ADK: variants seen among roughly 807,000 people sequenced by gnomAD.
ADK encodes N6,N6-dimethyladenosine kinase.
Under a neutral mutation model 44.7 loss-of-function variants are expected in ADK, and 24 were observed. The observed-to-expected ratio is 0.54, with a 90% CI of 0.39 to 0.76. ADK has a LOEUF of 0.76. Among genes scored for constraint, ADK ranks in the 30% least tolerant of loss-of-function variants. The pLI is 0.00. For synonymous variants in ADK, 128 were observed against 142.6 expected, an observed-to-expected ratio of 0.90 and a Z score of 0.73; for missense variants, 321 against 425.1, an observed-to-expected ratio of 0.76 and a Z score of 2.15.
intron 9 of ADK, among the ~76,000 whole-genome samples, chr10:74,625,167 T>G (rs1853142425): frequency 1.3e-5 from 2 of 152,160 alleles, no homozygotes; most frequent in Admixed American, 1.3e-4. Flanking sequence ...AATGATATTA[T>G]TTTCATGAAC....
chr10:74,383,699 G>C (rs1052851303), intron 4 of ADK, among the ~76,000 whole-genome samples: 1 of 152,106 alleles, frequency 6.6e-6, no homozygotes, highest in Non-Finnish European at 1.5e-5. Flanking sequence ...AGAGTGGAAG[G>C]GAAAGGCAAT....
intron 6 of ADK, among the ~76,000 whole-genome samples, chr10:74,427,161 G>C (rs1212543937): frequency 6.6e-6 from 1 of 152,078 alleles, no homozygotes; most frequent in African/African-American, 2.4e-5. Flanking sequence ...ATGAAGAATT[G>C]CAAACAAATC....
chr10:74,547,371 T>C (rs1849858393), intron 7 of ADK, among the ~76,000 whole-genome samples: 1 of 151,102 alleles, frequency 6.6e-6, no homozygotes, highest in Admixed American at 6.6e-5. Flanking sequence ...TGTTGTCAAC[T>C]GTTCTGTGTA....
At chr10:74,157,353 C>A (rs1449759879) in intron 1 of ADK, among the ~76,000 whole-genome samples, 4 of 151,018 alleles carry the variant, frequency 2.6e-5, no homozygotes, top group African/African-American at 9.8e-5. Flanking sequence ...AATTTCAAAA[C>A]AATTGTAAGT....
At chr10:74,353,521 C>G (rs2131913246) in intron 4 of ADK, among the ~76,000 whole-genome samples, 1 of 148,632 alleles carries the variant, frequency 6.7e-6, no homozygotes, top group African/African-American at 2.5e-5. Context: ...ACATGTATAC[C>G]AACGTAACAA....
At chr10:74,695,641 T>G (rs988938096) in intron 10 of ADK, among the ~76,000 whole-genome samples, 11 of 151,788 alleles carry the variant, frequency 7.2e-5, no homozygotes, top group Admixed American at 5.3e-4. Context: ...TGTGTGTGTG[T>G]GTGTGTGTGT....
chr10:74,495,401 A>C (rs576500142), intron 6 of ADK, among the ~76,000 whole-genome samples: 1 of 152,078 alleles, frequency 6.6e-6, no homozygotes, highest in South Asian at 2.1e-4. Flanking sequence ...GCACTAGACA[A>C]TGTACAAAAT....
chr10:74,398,657 A>AATAAAAG, intron 6 of ADK, 78 bp downstream of exon 6: 2 of 761,618 alleles, frequency 2.6e-6, no homozygotes, highest in African/African-American at 1.8e-5. Context: ...TATATTTTAA[A>AATAAAAG]ATAATTATCT....
chr10:74,186,188 T>C lies in ADK; in HGVS notation c.66-14576T>C, dbSNP rs576468618. Among the ~76,000 whole-genome samples the C allele has an allele frequency of 3.6e-5, 5 of 138,240 alleles. No homozygotes were observed. The South Asian group carries it at 1.2e-3, about 32-fold the overall frequency. The allele number at this position is 138,240 out of a possible 152,430, so 90.7% of individuals were successfully genotyped here. A position where few individuals can be genotyped will look rare whatever the true frequency, so the allele number is the denominator to read the frequency against. On this transcript the variant is annotated intron_variant, in intron 1 of 10. Coordinates refer to ENST00000539909, the MANE Select transcript of ADK (RefSeq NM_006721.4). ...TACCTAAAGTCAAATCAGCCTTCCC[T>C]TTCCTTCCCTTCCCTTCCCTTCCCT...
intron 10 of ADK, among the ~76,000 whole-genome samples, chr10:74,705,084 T>A (rs1564861666): frequency 6.6e-6 from 1 of 152,236 alleles, no homozygotes; most frequent in African/African-American, 2.4e-5. Flanking sequence ...CAAATCTGAC[T>A]GGGAAAAGTC....
At chr10:74,314,823 T>A in intron 4 of ADK, 78 bp downstream of exon 4, 1 of 1,055,742 alleles carries the variant, frequency 9.5e-7, no homozygotes, top group Non-Finnish European at 1.5e-6. Flanking sequence ...TTGTTTCCTT[T>A]TATATTGTGT....
At chr10:74,708,028 G>A (rs1856667160) in intron 10 of ADK, among the ~76,000 whole-genome samples, 1 of 151,776 alleles carries the variant, frequency 6.6e-6, no homozygotes, top group South Asian at 2.1e-4. Context: ...GTGCATGCCT[G>A]TAGTCCCAGC....
chr10:74,267,757 TGTGTGTGTGTGTG>T (rs1846268527), intron 3 of ADK, among the ~76,000 whole-genome samples: 1 of 127,182 alleles, frequency 7.9e-6, no homozygotes, highest in African/African-American at 3.5e-5. Flanking sequence ...TCCTTATTTG[TGTGTGTGTGTGTG>T]TGTGTGTGTG....
chr10:74,360,933 A>G (rs1842314873), intron 4 of ADK, among the ~76,000 whole-genome samples: 1 of 152,096 alleles, frequency 6.6e-6, no homozygotes, highest in South Asian at 2.1e-4. Context: ...TTTGAGATGG[A>G]GCCTCACTCT....
At chr10:74,470,340 A>G (rs1170658912) in intron 6 of ADK, among the ~76,000 whole-genome samples, 1 of 151,922 alleles carries the variant, frequency 6.6e-6, no homozygotes, top group Non-Finnish European at 1.5e-5. Context: ...TTCTTTATAC[A>G]TTCATCTGCT....
At chr10:74,211,981 C>T (rs1290787783) in intron 2 of ADK, among the ~76,000 whole-genome samples, 2 of 152,130 alleles carry the variant, frequency 1.3e-5, no homozygotes, top group Admixed American at 1.3e-4. Flanking sequence ...TCTTATTTGA[C>T]TACCTTGTGA....
intron 4 of ADK, among the ~76,000 whole-genome samples, chr10:74,332,020 A>T (rs1841236005): frequency 2.0e-5 from 3 of 150,592 alleles, no homozygotes; most frequent in African/African-American, 7.3e-5. Flanking sequence ...TGCCCAACAA[A>T]TTTTTTTTTG....
At chr10:74,177,925 A>T (rs1053137930) in intron 1 of ADK, among the ~76,000 whole-genome samples, 10 of 93,784 alleles carry the variant, frequency 1.1e-4, no homozygotes, top group South Asian at 5.8e-4. Flanking sequence ...TTGCATAATT[A>T]TATATATATA....
At position 74,399,381 on chromosome 10, in the gene ADK, T is replaced by G. The variant is rs138071161; in HGVS notation, c.555+802T>G. ...ATTGATTACCCTACTAGGAGGAACA[T>G]GTTTATTGAAAATATAATTATTTCT... On this transcript the variant is annotated intron_variant, in intron 6 of 10. Coordinates refer to ENST00000539909, the MANE Select transcript of ADK (RefSeq NM_006721.4). 6.6e-5 allele frequency among the ~76,000 whole-genome samples: 10 copies of G among 151,574 alleles called. No individual in the cohort carries two copies. The East Asian group carries it at 1.9e-3, about 29-fold the overall frequency.
Sources: gnomAD v4.1 joint callset for allele counts (sites outside exome capture counted in the v4.1 genomes callset) on GRCh38, gnomAD v4.1.1 for gene constraint, MANE v1.5 for transcripts, NCBI Gene and HGNC (gene_info 2026-07-23, HGNC 2026-07-21) for gene names.